Variants in KCNIP4 observed in about 807,000 individuals in gnomAD.
KCNIP4 encodes the protein Kv channel-interacting protein 4.
KCNIP4 carries 12 observed loss-of-function variants against 34.0 expected under a neutral mutation model. That is an observed-to-expected ratio of 0.35 (90% CI 0.23 to 0.57). The LOEUF (loss-of-function observed/expected upper bound fraction) is 0.57. Among genes scored for constraint, KCNIP4 ranks in the 20% least tolerant of loss-of-function variants. The probability of loss-of-function intolerance (pLI) is 0.83; values close to 1 mark genes in which losing one functional copy is unlikely to be tolerated. For missense variants in KCNIP4, 238 were observed against 311.7 expected (o/e 0.76, Z 1.78); for synonymous variants, 124 against 102.2 (o/e 1.21, Z -1.29).
In KCNIP4 at chr4:21,898,241, G is replaced by A. The variant is rs897286081; in HGVS notation, c.61+50330C>T. ...AGCTGCAATTCCTGGGCAAGTCCTG[G>A]TGCTGTGCTGGGCTTGGAGTCAGTG... On this transcript the variant is annotated intron_variant, in intron 1 of 8. Coordinates refer to ENST00000382152, the MANE Select transcript of KCNIP4 (RefSeq NM_025221.6). Among the ~76,000 whole-genome samples the A allele has an allele frequency of 3.3e-5, 5 of 152,132 alleles. No individual in the cohort carries two copies. The South Asian group carries it at 1.0e-3, about 31-fold the overall frequency.
intron 1 of KCNIP4, among the ~76,000 whole-genome samples, chr4:21,242,019 C>T (rs1759851619): frequency 1.3e-5 from 2 of 151,832 alleles, no homozygotes; most frequent in South Asian, 4.2e-4. Context: ...AAAAAATTAG[C>T]CAGGCGTGGT....
At chr4:21,111,308 A>G (rs944071536) in intron 1 of KCNIP4, among the ~76,000 whole-genome samples, 2 of 152,238 alleles carry the variant, frequency 1.3e-5, no homozygotes, top group Non-Finnish European at 2.9e-5. Flanking sequence ...AAGATTAAGC[A>G]GAAAATATTA....
chr4:21,790,412 A>T (rs924550592), intron 1 of KCNIP4, among the ~76,000 whole-genome samples: 1 of 152,200 alleles, frequency 6.6e-6, no homozygotes, highest in African/African-American at 2.4e-5. Flanking sequence ...GTTACAGAGT[A>T]CACTCAAATT....
chr4:21,518,027 G>A (rs1378953307), intron 1 of KCNIP4, among the ~76,000 whole-genome samples: 3 of 152,150 alleles, frequency 2.0e-5, no homozygotes, highest in Admixed American at 6.5e-5. Context: ...ACAGGGGCTT[G>A]CTTCAAGGTC....
intron 1 of KCNIP4, among the ~76,000 whole-genome samples, chr4:21,227,266 G>GC (rs953411898): frequency 7.2e-5 from 11 of 152,120 alleles, no homozygotes; most frequent in African/African-American, 2.7e-4. Flanking sequence ...AAGGACACCA[G>GC]GTTGCTTATT....
chr4:21,100,463 G>T (rs771939261), intron 1 of KCNIP4, among the ~76,000 whole-genome samples: 1 of 152,152 alleles, frequency 6.6e-6, no homozygotes, highest in Non-Finnish European at 1.5e-5. Flanking sequence ...TGAGGTGGGA[G>T]AATCACTTGA....
chr4:21,460,228 C>G (rs1729337837), intron 1 of KCNIP4, among the ~76,000 whole-genome samples: 1 of 151,904 alleles, frequency 6.6e-6, no homozygotes, highest in Admixed American at 6.6e-5. Flanking sequence ...CTTGCTCTAT[C>G]TTATCATTCC....
chr4:21,600,975 A>C (rs1427434067), intron 1 of KCNIP4, among the ~76,000 whole-genome samples: 1 of 151,956 alleles, frequency 6.6e-6, no homozygotes, highest in Non-Finnish European at 1.5e-5. Context: ...CATTTAAAAA[A>C]ATCTTACTAA....
At chr4:20,735,096 C>T (rs189873124) in intron 5 of KCNIP4, among the ~76,000 whole-genome samples, 144 of 152,230 alleles carry the variant, frequency 9.5e-4, no homozygotes, top group Non-Finnish European at 1.5e-3. Flanking sequence ...CAAGTGCACA[C>T]ATAACACACT....
Position 20,802,185 on chromosome 4 carries a change from CTA to C in KCNIP4, c.289-43297_289-43296del, listed in dbSNP as rs202215633. Reference sequence around the variant, plus strand: ...ATATGCTATATATGCTATATATATGCTATATATATGCTATATATATATGCTAC... The same window carrying C: ...ATATGCTATATATGCTATATATATGCTATATATGCTATATATATATGCTAC... On this transcript the variant is annotated intron_variant, in intron 3 of 8. Coordinates refer to ENST00000382152, the MANE Select transcript of KCNIP4 (RefSeq NM_025221.6). Among the ~76,000 whole-genome samples the C allele has an allele frequency of 1.6e-3, 139 of 86,704 alleles. 1 individual carries two copies. In the East Asian group the frequency reaches 0.033, roughly 21 times the overall value. 56.9% of individuals were successfully genotyped at this position (86,704 alleles called of 152,430 possible). A position where few individuals can be genotyped will look rare whatever the true frequency, so the allele number is the denominator to read the frequency against.
chr4:21,686,827 C>A (rs1560628755), intron 1 of KCNIP4, among the ~76,000 whole-genome samples: 1 of 151,400 alleles, frequency 6.6e-6, no homozygotes, highest in Non-Finnish European at 1.5e-5. Flanking sequence ...GGGTATATAC[C>A]CAAATGACTA....
At chr4:21,351,716 C>A (rs967868373) in intron 1 of KCNIP4, among the ~76,000 whole-genome samples, 1 of 152,146 alleles carries the variant, frequency 6.6e-6, no homozygotes, top group Non-Finnish European at 1.5e-5. Flanking sequence ...AATTAGGACA[C>A]AGACATGCAC....
chr4:21,387,134 A>G (rs2109498481), intron 1 of KCNIP4, among the ~76,000 whole-genome samples: 1 of 152,298 alleles, frequency 6.6e-6, no homozygotes, highest in East Asian at 1.9e-4. Flanking sequence ...AGGAAGGAAT[A>G]TCAATTGATG....
At chr4:21,471,753 C>T (rs1730485695) in intron 1 of KCNIP4, among the ~76,000 whole-genome samples, 1 of 152,124 alleles carries the variant, frequency 6.6e-6, no homozygotes, top group Non-Finnish European at 1.5e-5. Flanking sequence ...GCTACCTACT[C>T]AGCTATGGGC....
At chr4:21,305,200 G>A (rs1040999660) in intron 1 of KCNIP4, among the ~76,000 whole-genome samples, 2 of 152,160 alleles carry the variant, frequency 1.3e-5, no homozygotes, top group Non-Finnish European at 2.9e-5. Context: ...GAGGCAAAAA[G>A]GCAGAGCAGG....
chr4:20,785,017 A>G (rs1238876065), intron 3 of KCNIP4, among the ~76,000 whole-genome samples: 3 of 152,044 alleles, frequency 2.0e-5, no homozygotes, highest in Non-Finnish European at 2.9e-5. Context: ...CCCTAACCCC[A>G]CCCCAGAAAC....
intron 1 of KCNIP4, among the ~76,000 whole-genome samples, chr4:21,069,232 T>A: frequency 6.6e-6 from 1 of 152,182 alleles, no homozygotes; most frequent in East Asian, 1.9e-4. Flanking sequence ...TCTAAGTTTT[T>A]TTTTTTAACG....
At chr4:21,303,494 A>G (rs556970985) in intron 1 of KCNIP4, among the ~76,000 whole-genome samples, 3 of 152,346 alleles carry the variant, frequency 2.0e-5, no homozygotes, top group Admixed American at 2.0e-4. Context: ...ATAATCAAGC[A>G]TCAGTATGGA....
intron 1 of KCNIP4, among the ~76,000 whole-genome samples, chr4:21,506,243 T>G (rs1007622246): frequency 6.6e-6 from 1 of 152,184 alleles, no homozygotes; most frequent in African/African-American, 2.4e-5. Context: ...ATCAGAGCAG[T>G]TCAGAATGTA....
Sources: allele counts gnomAD v4.1 joint callset (sites outside exome capture counted in the v4.1 genomes callset), GRCh38; gene constraint gnomAD v4.1.1; transcripts MANE v1.5; gene names NCBI Gene and HGNC (gene_info 2026-07-23, HGNC 2026-07-21).